ANK1: variants seen among roughly 807,000 people sequenced by gnomAD.
ANK1 encodes ankyrin-1.
A neutral mutation model predicts 210.4 loss-of-function variants in ANK1; 51 were observed. The ratio of observed to expected loss-of-function variants is 0.24; its 90% CI spans 0.19 to 0.31. The LOEUF is 0.31. ANK1 is among the 10% of genes least tolerant of loss of function. The pLI is 1.00. For missense variants in ANK1, 2,051 were observed against 2,504.4 expected, an observed-to-expected ratio of 0.82 and a Z score of 3.86; for synonymous variants, 967 against 1,025.9, an observed-to-expected ratio of 0.94 and a Z score of 1.10.
rs144904116 is a variant in ANK1, at chr8:41,708,952, G to A, written c.1824C>T (p.Ile608=). The change falls in exon 17 of 43, where the codon ATC becomes ATT. Residue 608 remains isoleucine (I), a synonymous_variant. Coordinates refer to ENST00000289734, the MANE Select transcript of ANK1 (RefSeq NM_000037.4). ...PAWNGYTPLH[I]AAKQNQVEVA... is the part of the protein sequence containing the mutation. Reference sequence around the variant, plus strand: ...CCTCCACCTGGTTCTGCTTGGCAGCGATGTGCAAAGGGGTGTAGCCATTCT... The same window carrying A: ...CCTCCACCTGGTTCTGCTTGGCAGCAATGTGCAAAGGGGTGTAGCCATTCT... 38 of 1,614,030 alleles carry A rather than the reference G, an allele frequency of 2.4e-5. No homozygotes were observed. The Middle Eastern group carries it at 5.0e-4, about 21-fold the overall frequency.
intron 2 of ANK1, among the ~76,000 whole-genome samples, chr8:41,754,852 C>T (rs1172945762): frequency 6.6e-6 from 1 of 151,682 alleles, no homozygotes; most frequent in Admixed American, 6.6e-5. Flanking sequence ...GTTCAGGGAA[C>T]CCTGACCAGC....
At chr8:41,688,067 G>T (rs1563423756) in intron 35 of ANK1, 89 bp downstream of exon 35, 1 of 1,442,264 alleles carries the variant, frequency 6.9e-7, no homozygotes, top group African/African-American at 1.4e-5. Context: ...TAAAAGGAGG[G>T]TTAGAAATGC....
At chr8:41,868,389 C>T (rs745901525) in intron 1 of ANK1, among the ~76,000 whole-genome samples, 15 of 152,122 alleles carry the variant, frequency 9.9e-5, no homozygotes, top group Non-Finnish European at 1.8e-4. Flanking sequence ...TCCCCTGGGG[C>T]GGTGGGGAAG....
At chr8:41,709,061 C>A (rs1825458270) in intron 16 of ANK1, 86 bp from the exon 17 acceptor site, 1 of 1,532,816 alleles carries the variant, frequency 6.5e-7, no homozygotes, top group South Asian at 1.1e-5. Flanking sequence ...GAGTCTGGTT[C>A]TTGGCCGGCT....
chr8:41,741,282 G>A (rs1206451568), intron 2 of ANK1, among the ~76,000 whole-genome samples: 1 of 152,186 alleles, frequency 6.6e-6, no homozygotes, highest in African/African-American at 2.4e-5. Flanking sequence ...ACCCCTGCCT[G>A]CACAGTCACA....
At chr8:41,792,363 C>T (rs916372651) in intron 1 of ANK1, among the ~76,000 whole-genome samples, 6 of 152,196 alleles carry the variant, frequency 3.9e-5, no homozygotes, top group African/African-American at 1.2e-4. Flanking sequence ...TACTCCCGCA[C>T]GGGGCCAGCT....
In ANK1 at chr8:41,704,898, T is replaced by G. The variant is rs1328300968; in HGVS notation, c.2098-426A>C. 6.6e-6 allele frequency among the ~76,000 whole-genome samples: 1 copy of G among 152,048 alleles called. No individual in the cohort carries two copies. Among genetic ancestry groups the G allele is most frequent in the African/African-American group, 2.4e-5 (1 of 41,414 alleles). On this transcript the variant is annotated intron_variant, in intron 18 of 42. Transcript: ENST00000289734. The surrounding 1 kb of genome is among the most constrained non-coding windows in gnomAD (Gnocchi z 4.1). ...TATTTCAAGAAGGAAGAAACAGCCT[T>G]CAGGCCTGGGAAGGGTGCTGAGATG...
intron 1 of ANK1, among the ~76,000 whole-genome samples, chr8:41,890,809 T>A (rs1819299790): frequency 6.6e-6 from 1 of 151,258 alleles, no homozygotes; most frequent in Non-Finnish European, 1.5e-5. Context: ...GGGGAAACAA[T>A]AGATTTACTT....
chr8:41,664,547 G>T (rs1377052518), intron 39 of ANK1, among the ~76,000 whole-genome samples: 1 of 152,102 alleles, frequency 6.6e-6, no homozygotes, highest in Non-Finnish European at 1.5e-5. Flanking sequence ...AAAGAAACAG[G>T]ATGAGCGCAG....
chr8:41,837,024 C>A (rs1348055688), intron 1 of ANK1, among the ~76,000 whole-genome samples: 1 of 152,060 alleles, frequency 6.6e-6, no homozygotes, highest in African/African-American at 2.4e-5. Flanking sequence ...TGTGTGACGT[C>A]CCCCCAAGGG....
chr8:41,686,142 C>T lies in ANK1; in HGVS notation c.4390+10G>A, dbSNP rs959477109. 5 of 1,614,210 alleles carry T rather than the reference C, an allele frequency of 3.1e-6. No homozygotes were observed. The highest frequency in any genetic ancestry group is 1.3e-5 in the African/African-American group (1 of 75,054). On this transcript the variant is annotated intron_variant, in intron 36 of 42. Transcript: ENST00000289734. ...CCTAGGACAGGCTTCCTCAGTGGGA[C>T]GGTACTGACTGTTTGCGTTTTGGCC...
chr8:41,679,553 ACTTT>A (rs1367033718), intron 37 of ANK1, among the ~76,000 whole-genome samples: 1 of 112,426 alleles, frequency 8.9e-6, no homozygotes, highest in Non-Finnish European at 1.8e-5. Context: ...GTCTTCCTGG[ACTTT>A]CTTTTTTTTT....
intron 37 of ANK1, among the ~76,000 whole-genome samples, chr8:41,676,374 T>C (rs1814164372): frequency 1.3e-5 from 2 of 152,248 alleles, no homozygotes; most frequent in South Asian, 4.1e-4. Flanking sequence ...TTATTTGCCA[T>C]GTGTATATAT....
intron 1 of ANK1, among the ~76,000 whole-genome samples, chr8:41,839,176 T>C (rs1808383854): frequency 6.6e-6 from 1 of 152,272 alleles, no homozygotes; most frequent in Non-Finnish European, 1.5e-5. Flanking sequence ...CTCCTCCATG[T>C]GTCAGTAACT....
At chr8:41,728,125 G>T in intron 3 of ANK1, 119 bp from the exon 4 acceptor site, 1 of 821,090 alleles carries the variant, frequency 1.2e-6, no homozygotes. Flanking sequence ...ATGGCCAAAA[G>T]GGGTAGAAAG....
intron 9 of ANK1, among the ~76,000 whole-genome samples, chr8:41,722,560 C>T (rs984004435): frequency 1.3e-5 from 2 of 152,164 alleles, no homozygotes. Flanking sequence ...GTCAGAGCCA[C>T]GTAACGGGCC....
At chr8:41,873,681 T>C (rs1482919035) in intron 1 of ANK1, among the ~76,000 whole-genome samples, 1 of 152,154 alleles carries the variant, frequency 6.6e-6, no homozygotes, top group African/African-American at 2.4e-5. Flanking sequence ...GGCTCACTGG[T>C]ATTTTCAGGG....
chr8:41,861,411 T>C (rs1044173798), intron 1 of ANK1, among the ~76,000 whole-genome samples: 1 of 152,218 alleles, frequency 6.6e-6, no homozygotes, highest in African/African-American at 2.4e-5. Flanking sequence ...TTTGCACTAA[T>C]AAAGGCTTCG....
intron 1 of ANK1, among the ~76,000 whole-genome samples, chr8:41,873,492 A>G (rs1376648677): frequency 1.3e-5 from 2 of 152,232 alleles, no homozygotes; most frequent in Non-Finnish European, 2.9e-5. Context: ...CATTTTGCAG[A>G]CAAGAAACTG....
Sources: allele counts gnomAD v4.1 joint callset (sites outside exome capture counted in the v4.1 genomes callset), GRCh38; gene constraint gnomAD v4.1.1; non-coding constraint Gnocchi (gnomAD v3.1); transcripts MANE v1.5; gene names NCBI Gene and HGNC (gene_info 2026-07-23, HGNC 2026-07-21).